SNX13: variants seen among roughly 807,000 people sequenced by gnomAD.
SNX13 encodes the protein sorting nexin 13.
SNX13 carries 45 observed loss-of-function variants against 133.6 expected under a neutral mutation model. The ratio of observed to expected loss-of-function variants is 0.34; its 90% CI spans 0.27 to 0.43. The LOEUF (loss-of-function observed/expected upper bound fraction) is 0.43, where lower values mean the gene tolerates loss of function less well. SNX13 is among the 20% of genes least tolerant of loss of function. SNX13 has a pLI of 1.00. For synonymous variants in SNX13, 414 were observed against 373.9 expected (o/e 1.11, Z -1.24); for missense variants, 1,032 against 1,145.1 (o/e 0.90, Z 1.43).
At chr7:17,819,367 GAGT>G (rs1787028366) in intron 18 of SNX13, among the ~76,000 whole-genome samples, 2 of 151,846 alleles carry the variant, frequency 1.3e-5, no homozygotes, top group Non-Finnish European at 2.9e-5. Context: ...TCAGCCTCCT[GAGT>G]AGCTGGGACT....
intron 9 of SNX13, among the ~76,000 whole-genome samples, chr7:17,857,471 T>C (rs1464667626): frequency 1.3e-5 from 2 of 152,052 alleles, no homozygotes; most frequent in Non-Finnish European, 2.9e-5. Flanking sequence ...TGAACACAGA[T>C]GTCAAGATCC....
chr7:17,890,563 T>C (rs1478594510), intron 4 of SNX13, 79 bp from the exon 5 acceptor site: 2 of 1,036,118 alleles, frequency 1.9e-6, no homozygotes, highest in Non-Finnish European at 2.7e-6. Flanking sequence ...AAAAGTATGC[T>C]GTATCTACCA....
intron 16 of SNX13, among the ~76,000 whole-genome samples, chr7:17,828,953 G>C (rs1459006941): frequency 6.6e-6 from 1 of 151,364 alleles, no homozygotes; most frequent in Non-Finnish European, 1.5e-5. Flanking sequence ...CAAGCTCTAG[G>C]AGCAATTCCT....
At chr7:17,817,677 G>T (rs574699997) in intron 18 of SNX13, among the ~76,000 whole-genome samples, 104 of 152,194 alleles carry the variant, frequency 6.8e-4, no homozygotes, top group Non-Finnish European at 1.5e-3. Flanking sequence ...ATTAACTATA[G>T]CTATATTCTC....
At chr7:17,858,575 T>C (rs1484850141) in intron 9 of SNX13, among the ~76,000 whole-genome samples, 2 of 152,098 alleles carry the variant, frequency 1.3e-5, no homozygotes, top group African/African-American at 4.8e-5. Flanking sequence ...AATTCATCTA[T>C]AGATTCAATG....
intron 1 of SNX13, among the ~76,000 whole-genome samples, chr7:17,903,662 G>T (rs1798089736): frequency 6.6e-6 from 1 of 152,066 alleles, no homozygotes; most frequent in Admixed American, 6.5e-5. Flanking sequence ...ATTGCCCAAG[G>T]TCACACAGCT....
chr7:17,889,240 T>C (rs933934907), intron 5 of SNX13: 2 of 152,448 alleles, frequency 1.3e-5, no homozygotes, highest in Non-Finnish European at 2.9e-5. Context: ...CTGGCTACTT[T>C]GTAAATTCTT....
At chr7:17,895,013 C>A (rs558325328) in intron 2 of SNX13, among the ~76,000 whole-genome samples, 2 of 152,124 alleles carry the variant, frequency 1.3e-5, no homozygotes, top group Non-Finnish European at 2.9e-5. Flanking sequence ...TGTGTTATAT[C>A]TGATATTATT....
At chr7:17,831,648 A>G (rs1040736758) in intron 15 of SNX13, 50 of 984,174 alleles carry the variant, frequency 5.1e-5, no homozygotes, top group Middle Eastern at 1.0e-3. Flanking sequence ...CTACTTTAAA[A>G]AAATCAGCTG....
chr7:17,901,342 G>A (rs1797813271), intron 1 of SNX13, among the ~76,000 whole-genome samples: 1 of 152,158 alleles, frequency 6.6e-6, no homozygotes, highest in Non-Finnish European at 1.5e-5. Context: ...TCACTGGGTG[G>A]TGCGGTGGCT....
intron 1 of SNX13, among the ~76,000 whole-genome samples, chr7:17,917,325 A>T (rs992958754): frequency 2.6e-5 from 4 of 152,188 alleles, no homozygotes; most frequent in Non-Finnish European, 4.4e-5. Context: ...TCCGGCAAGG[A>T]AAAGAAAGAA....
Position 17,803,572 on chromosome 7 carries a change from A to G in SNX13, c.2073T>C (p.Thr691=). The G allele has an allele frequency of 6.2e-7, 1 of 1,608,340 alleles. No individual in the cohort carries two copies. The highest frequency in any genetic ancestry group is 8.5e-7 in the Non-Finnish European group (1 of 1,177,348). The part of the protein sequence containing the change: ...GKGDFARKMD[T]FVNPLRNSMR... ...TTGAATTGCGAAGTGGATTTACAAA[A>G]GTGTCCATCTAAAGGGAAAAAAGAT... The change falls in exon 21 of 26, where the codon ACT becomes ACC. Residue 691 remains threonine (T), a synonymous_variant. Coordinates refer to ENST00000428135, the MANE Select transcript of SNX13 (RefSeq NM_015132.5).
intron 1 of SNX13, among the ~76,000 whole-genome samples, chr7:17,903,473 T>C (rs2128007261): frequency 6.6e-6 from 1 of 152,140 alleles, no homozygotes; most frequent in East Asian, 1.9e-4. Flanking sequence ...GACTTAGGAG[T>C]TAGGACTAGC....
chr7:17,819,447 A>T (rs1336701059), intron 18 of SNX13, among the ~76,000 whole-genome samples: 6 of 151,988 alleles, frequency 3.9e-5, no homozygotes, highest in African/African-American at 1.5e-4. Context: ...GGCTGGTCTC[A>T]AACTCCTGAC....
chr7:17,895,829 A>C (rs1015233124), intron 2 of SNX13, among the ~76,000 whole-genome samples: 3 of 152,234 alleles, frequency 2.0e-5, no homozygotes, highest in African/African-American at 7.2e-5. Flanking sequence ...GAGTAAAAAA[A>C]GAAATAATTA....
At chr7:17,922,435 T>A (rs1423947840) in intron 1 of SNX13, among the ~76,000 whole-genome samples, 1 of 152,222 alleles carries the variant, frequency 6.6e-6, no homozygotes, top group Admixed American at 6.5e-5. Context: ...TTTTGTTCAG[T>A]GTTGTCTCAT....
chr7:17,806,097 G>C (rs966965351), intron 20 of SNX13, among the ~76,000 whole-genome samples: 1 of 152,150 alleles, frequency 6.6e-6, no homozygotes. Flanking sequence ...TCCTTACACA[G>C]ATGCTGTATA....
intron 1 of SNX13, among the ~76,000 whole-genome samples, chr7:17,918,933 C>T (rs1562524083): frequency 1.3e-5 from 2 of 152,138 alleles, no homozygotes; most frequent in African/African-American, 2.4e-5. Flanking sequence ...AAATCATGTC[C>T]TTTGCAGCAA....
rs142888422 is a variant in SNX13 at position 17,934,475 on chromosome 7, T to A, written c.12+5809A>T. The stretch of plus-strand genomic sequence containing the variant: ...GGATGTTTCCAGAGGAGACTGAGAT[T>A]AGCATGTGAGTCTGAGTAGACTACC... On this transcript the variant is annotated intron_variant, in intron 1 of 25. Coordinates refer to ENST00000428135, the MANE Select transcript of SNX13 (RefSeq NM_015132.5). Among the ~76,000 whole-genome samples, 31 of 152,256 alleles carry A rather than the reference T, an allele frequency of 2.0e-4. No homozygotes were observed. In the East Asian group the frequency reaches 6.0e-3, roughly 29 times the overall value.
Sources: gnomAD v4.1 joint callset for allele counts (sites outside exome capture counted in the v4.1 genomes callset) on GRCh38, gnomAD v4.1.1 for gene constraint, MANE v1.5 for transcripts, NCBI Gene and HGNC (gene_info 2026-07-23, HGNC 2026-07-21) for gene names.